ZDHHC20: variants seen among roughly 807,000 people sequenced by gnomAD.
The protein encoded by ZDHHC20 is palmitoyltransferase ZDHHC20.
ZDHHC20 carries 43 observed loss-of-function variants against 57.8 expected under a neutral mutation model. The observed-to-expected ratio is 0.74, with a 90% CI of 0.58 to 0.96. ZDHHC20 has a LOEUF of 0.96. ZDHHC20 is among the 40% of genes least tolerant of loss of function. The probability of loss-of-function intolerance (pLI) is 0.00; values close to 1 mark genes in which losing one functional copy is unlikely to be tolerated. For synonymous variants in ZDHHC20, 157 were observed against 153.0 expected, an observed-to-expected ratio of 1.03 and a Z score of -0.19; for missense variants, 391 against 441.1, an observed-to-expected ratio of 0.89 and a Z score of 1.02.
At chr13:21,384,776 G>A (rs1194846463) in intron 9 of ZDHHC20, among the ~76,000 whole-genome samples, 4 of 152,112 alleles carry the variant, frequency 2.6e-5, no homozygotes, top group Admixed American at 6.6e-5. Context: ...ACTACAGAAC[G>A]TAATACTCTG....
chr13:21,402,582 A>G (rs1374551651), intron 5 of ZDHHC20, among the ~76,000 whole-genome samples: 4 of 152,222 alleles, frequency 2.6e-5, no homozygotes, highest in Non-Finnish European at 5.9e-5. Flanking sequence ...AGAAAATTCT[A>G]TTAACTGGTA....
At chr13:21,415,729 TATAAAA>T (rs1275283688) in intron 3 of ZDHHC20, among the ~76,000 whole-genome samples, 10 of 152,158 alleles carry the variant, frequency 6.6e-5, no homozygotes, top group African/African-American at 2.4e-4. Context: ...CATAGTAGAG[TATAAAA>T]ATCACATGGT....
intron 5 of ZDHHC20, among the ~76,000 whole-genome samples, chr13:21,402,211 A>G (rs916099175): frequency 6.6e-6 from 1 of 152,186 alleles, no homozygotes; most frequent in Non-Finnish European, 1.5e-5. Context: ...AAAGTTTAGG[A>G]GGAAATAAGT....
chr13:21,380,559 T>C (rs1337181726), intron 11 of ZDHHC20, among the ~76,000 whole-genome samples: 1 of 151,778 alleles, frequency 6.6e-6, no homozygotes, highest in Non-Finnish European at 1.5e-5. Context: ...TTTGGGGGGC[T>C]GAGGCGGGTG....
chr13:21,389,889 T>C (rs1209298556), intron 8 of ZDHHC20, among the ~76,000 whole-genome samples: 1 of 152,242 alleles, frequency 6.6e-6, no homozygotes, highest in Non-Finnish European at 1.5e-5. Context: ...ACTTAAGGGC[T>C]GGACTTTGCC....
intron 1 of ZDHHC20, among the ~76,000 whole-genome samples, chr13:21,440,411 G>A (rs1407393767): frequency 2.0e-5 from 3 of 152,102 alleles, no homozygotes; most frequent in Non-Finnish European, 2.9e-5. Flanking sequence ...AGGAGTTTGA[G>A]ACCAGCTTGG....
At chr13:21,424,279 T>C (rs937624643) in intron 2 of ZDHHC20, among the ~76,000 whole-genome samples, 1 of 152,198 alleles carries the variant, frequency 6.6e-6, no homozygotes, top group Non-Finnish European at 1.5e-5. Context: ...AGTAAAATCA[T>C]AGTTAACTGA....
At chr13:21,404,900 CAG>C (rs1414824602) in intron 4 of ZDHHC20, among the ~76,000 whole-genome samples, 4 of 152,108 alleles carry the variant, frequency 2.6e-5, no homozygotes, top group South Asian at 2.1e-4. Context: ...AACAGGGAAA[CAG>C]AGTATACTTT....
chr13:21,399,300 G>A (rs9509682), intron 7 of ZDHHC20, among the ~76,000 whole-genome samples: 37,305 of 151,802 alleles, frequency 0.25, 5,035 homozygotes, highest in African/African-American at 0.33. Context: ...AGATGAGATC[G>A]CGCCACTGCA....
chr13:21,451,035 T>C (rs763868561), intron 1 of ZDHHC20, among the ~76,000 whole-genome samples: 45 of 152,198 alleles, frequency 3.0e-4, no homozygotes, highest in Admixed American at 5.2e-4. Context: ...ATTATAGGCA[T>C]GAATCACCAT....
At chr13:21,424,526 A>G (rs1055976734) in intron 2 of ZDHHC20, among the ~76,000 whole-genome samples, 11 of 152,096 alleles carry the variant, frequency 7.2e-5, no homozygotes, top group African/African-American at 2.4e-4. Context: ...TGACTAACAC[A>G]GTAAAACCCC....
At chr13:21,441,549 CTTTTTTTTTTTTTTT>C (rs397851910) in intron 1 of ZDHHC20, among the ~76,000 whole-genome samples, 16 of 65,326 alleles carry the variant, frequency 2.4e-4, no homozygotes, top group South Asian at 8.8e-4. Flanking sequence ...CCACGCCCGG[CTTTTTTTTTTTTTTT>C]TTTTTTTTTT....
chr13:21,411,338 T>C (rs192787149), intron 4 of ZDHHC20, among the ~76,000 whole-genome samples: 64 of 152,332 alleles, frequency 4.2e-4, no homozygotes, highest in African/African-American at 1.5e-3. Context: ...GAGTATGTTA[T>C]ATTTTATTGA....
rs1336363845 is a variant in ZDHHC20 at position 21,373,109 on chromosome 13, T to C, written c.*3587A>G. On this transcript the variant is annotated 3_prime_UTR_variant, in exon 13 of 13. Transcript: ENST00000400590. ...AACAGATTATTACAGGCGGTCTTTA[T>C]TTTGGCTGAAATGCAAAAATATGAC... 1 of 152,220 alleles carries C rather than the reference T, an allele frequency of 6.6e-6. No individual in the cohort carries two copies. Among genetic ancestry groups the C allele is most frequent in the Non-Finnish European group, 1.5e-5 (1 of 68,016 alleles). 9.4% of individuals were successfully genotyped at this position (152,220 alleles called of 1,614,324 possible).
intron 7 of ZDHHC20, among the ~76,000 whole-genome samples, chr13:21,398,246 C>T (rs930805540): frequency 2.6e-5 from 4 of 151,998 alleles, no homozygotes; most frequent in African/African-American, 4.8e-5. Flanking sequence ...GGGCAGATCA[C>T]GAGGTCAGGA....
In ZDHHC20 at chr13:21,447,227, C is replaced by G. The variant is rs367820273; in HGVS notation, c.118+11827G>C. On this transcript the variant is annotated intron_variant, in intron 1 of 12. Transcript: ENST00000400590. ...GGGCTGTGAGAGAGGGAGCGTGGAG[C>G]CTCCGAGGCCGAGGACTCGTCCCAG... Among the ~76,000 whole-genome samples the G allele has an allele frequency of 2.9e-4, 14 of 47,910 alleles. No individual in the cohort carries two copies. In the East Asian group the frequency reaches 4.9e-3, roughly 17 times the overall value. 31.4% of individuals were successfully genotyped at this position (47,910 alleles called of 152,430 possible).
intron 1 of ZDHHC20, among the ~76,000 whole-genome samples, chr13:21,434,225 A>C (rs1046176942): frequency 1.3e-5 from 2 of 152,210 alleles, no homozygotes; most frequent in Non-Finnish European, 2.9e-5. Context: ...AACATCTTCT[A>C]TCTCACATTT....
At chr13:21,404,238 ATCT>A (rs1878124439) in intron 4 of ZDHHC20, 5 of 454,944 alleles carry the variant, frequency 1.1e-5, no homozygotes, top group African/African-American at 2.0e-5. Flanking sequence ...GAAATAACCA[ATCT>A]TCTTTCTGTT....
At position 21,420,424 on chromosome 13, in the gene ZDHHC20, T is replaced by C. The variant is rs572957685; in HGVS notation, c.249+637A>G. Among the ~76,000 whole-genome samples, 7 of 152,232 alleles carry C rather than the reference T, an allele frequency of 4.6e-5. No individual in the cohort carries two copies. The South Asian group carries it at 1.0e-3, about 22-fold the overall frequency. On this transcript the variant is annotated intron_variant, in intron 3 of 12. Transcript: ENST00000400590. ...AAAACTGCAGCTTGGAGAGATTAAA[T>C]TGTTAGAGCAAAAGATCAAACTCAG...
Sources: gnomAD v4.1 joint callset for allele counts (sites outside exome capture counted in the v4.1 genomes callset) on GRCh38, gnomAD v4.1.1 for gene constraint, MANE v1.5 for transcripts, NCBI Gene and HGNC (gene_info 2026-07-23, HGNC 2026-07-21) for gene names.